Variants in ZNF468 observed in about 807,000 individuals in gnomAD.
ZNF468 encodes zinc finger protein ZNF468.
Under a neutral mutation model 7.2 loss-of-function variants are expected in ZNF468, and 8 were observed. The ratio of observed to expected loss-of-function variants is 1.11; its 90% CI spans 0.65 to 2.01. The LOEUF (loss-of-function observed/expected upper bound fraction) is 2.01. Ranked by LOEUF, ZNF468 falls within the 30% of genes most tolerant of loss-of-function variation. The pLI is 0.00. For synonymous variants in ZNF468, 218 were observed against 214.4 expected (o/e 1.02, Z -0.15); for missense variants, 608 against 626.5 (o/e 0.97, Z 0.31).
At chr19:52,853,186 A>G (rs1387842902) in intron 2 of ZNF468, among the ~76,000 whole-genome samples, 9 of 152,226 alleles carry the variant, frequency 5.9e-5, no homozygotes, top group South Asian at 4.2e-4. Flanking sequence ...ATAACGATGC[A>G]GAAATACACG....
chr19:52,841,646 T>C lies in ZNF468; in HGVS notation c.648A>G (p.Glu216=), dbSNP rs758116399. ...WEVHMREKSF[E]CIQSFKSFNC... is the part of the protein sequence containing the mutation. Reference sequence around the variant, plus strand: ...TAAAGGATTTGAAGCTCTGTATACATTCAAAAGATTTTTCTCTCATGTGTA... The same window carrying C: ...TAAAGGATTTGAAGCTCTGTATACACTCAAAAGATTTTTCTCTCATGTGTA... The change falls in exon 4 of 4, where the codon GAA becomes GAG. Residue 216 remains glutamate (E), a synonymous_variant. Transcript: ENST00000595646. The C allele has an allele frequency of 1.5e-5, 24 of 1,613,990 alleles. No individual in the cohort carries two copies. The highest frequency in any genetic ancestry group is 2.0e-5 in the Non-Finnish European group (24 of 1,180,012).
At position 52,840,454 on chromosome 19, in the gene ZNF468, T is replaced by A; in HGVS notation, c.*271A>T. On this transcript the variant is annotated 3_prime_UTR_variant, in exon 4 of 4. Coordinates refer to ENST00000595646, the MANE Select transcript of ZNF468 (RefSeq NM_001008801.2). ...AGATATGCATTATATGCAAAAACCT[T>A]GTCACAAACCTTACCTCTGTATGGT... 1.4e-6 allele frequency: 1 copy of A among 692,844 alleles called. No individual in the cohort carries two copies. Among genetic ancestry groups the A allele is most frequent in the Non-Finnish European group, 2.5e-6 (1 of 406,144 alleles). The allele number at this position is 692,844 out of a possible 1,614,324, so 42.9% of individuals were successfully genotyped here.
intron 1 of ZNF468, among the ~76,000 whole-genome samples, chr19:52,854,688 A>G (rs1212665611): frequency 6.6e-6 from 1 of 152,158 alleles, no homozygotes; most frequent in Non-Finnish European, 1.5e-5. Flanking sequence ...CAAAAGTTTG[A>G]GACTAGCCTG....
At chr19:52,849,727 C>T (rs2063369721) in intron 2 of ZNF468, 1 of 139,320 alleles carries the variant, frequency 7.2e-6, no homozygotes, top group African/African-American at 2.9e-5. Flanking sequence ...GCAACAGAAA[C>T]TCCATCTCAA....
chr19:52,849,856 T>A (rs1011984480), intron 2 of ZNF468, among the ~76,000 whole-genome samples: 3 of 151,718 alleles, frequency 2.0e-5, no homozygotes, highest in African/African-American at 7.3e-5. Context: ...TGAGCTGCAA[T>A]CCCGCCAGGG....
intron 3 of ZNF468, among the ~76,000 whole-genome samples, chr19:52,844,217 A>G (rs1346829123): frequency 1.3e-5 from 2 of 152,134 alleles, no homozygotes. Flanking sequence ...ACATTGAGAG[A>G]ATTTAGTCAT....
intron 1 of ZNF468, among the ~76,000 whole-genome samples, chr19:52,857,082 T>A (rs2063446903): frequency 1.3e-5 from 2 of 151,090 alleles, no homozygotes; most frequent in African/African-American, 4.9e-5. Context: ...AGGGGAGATC[T>A]GGGGAGCAGC....
In ZNF468 at chr19:52,838,136, G is replaced by A. The variant is rs1879629333; in HGVS notation, c.*2589C>T. ...TTGTACTAGCGAACTGTATTCAAGAGGATATTAAAAGGATTGTAGATATGC... is the reference window on the plus strand; with the variant it reads ...TTGTACTAGCGAACTGTATTCAAGAAGATATTAAAAGGATTGTAGATATGC... On this transcript the variant is annotated 3_prime_UTR_variant, in exon 4 of 4. Coordinates refer to ENST00000595646, the MANE Select transcript of ZNF468 (RefSeq NM_001008801.2). 1 of 152,086 alleles carries A rather than the reference G, an allele frequency of 6.6e-6. No homozygotes were observed. The highest frequency in any genetic ancestry group is 1.5e-5 in the Non-Finnish European group (1 of 68,026). 9.4% of individuals were successfully genotyped at this position (152,086 alleles called of 1,614,324 possible).
At position 52,849,079 on chromosome 19, in the gene ZNF468, A is replaced by T. The variant is rs748222407; in HGVS notation, c.142+8T>A. 6.2e-7 allele frequency: 1 copy of T among 1,613,604 alleles called. No homozygotes were observed. The highest frequency in any genetic ancestry group is 1.1e-5 in the South Asian group (1 of 91,032). ...AGGGCACATCCCCAGGAGGGAAGTT[A>T]TCCTCACCCAGGGAGACGAGGTTCC... On this transcript the variant is annotated splice_region_variant and intron_variant, in intron 3 of 3. Coordinates refer to ENST00000595646, the MANE Select transcript of ZNF468 (RefSeq NM_001008801.2).
intron 2 of ZNF468, among the ~76,000 whole-genome samples, chr19:52,851,177 A>G (rs375426143): frequency 1.3e-5 from 2 of 151,846 alleles, no homozygotes; most frequent in South Asian, 2.1e-4. Context: ...CTGAAAGGCT[A>G]AAACAGGAGA....
chr19:52,857,353 A>G (rs1382311525), intron 1 of ZNF468, among the ~76,000 whole-genome samples: 1 of 152,216 alleles, frequency 6.6e-6, no homozygotes, highest in Non-Finnish European at 1.5e-5. Flanking sequence ...AAACGTATAC[A>G]TTGCCCTATG....
chr19:52,850,617 G>C (rs2063379475), intron 2 of ZNF468, among the ~76,000 whole-genome samples: 1 of 150,440 alleles, frequency 6.6e-6, no homozygotes, highest in South Asian at 2.1e-4. Flanking sequence ...TAACTATTAT[G>C]GGCCGGGCGC....
intron 2 of ZNF468, 97 bp from the exon 3 acceptor site, chr19:52,849,310 T>G: frequency 6.3e-7 from 1 of 1,590,706 alleles, no homozygotes. Context: ...TGGATTTAAC[T>G]GTAGAGAATG....
At chr19:52,857,267 C>A (rs113121679) in intron 1 of ZNF468, among the ~76,000 whole-genome samples, 42,127 of 152,012 alleles carry the variant, frequency 0.28, 6,071 homozygotes, top group South Asian at 0.35. Flanking sequence ...GAATACACCT[C>A]TAGGGTGAGG....
Position 52,840,051 on chromosome 19 carries a change from A to T in ZNF468, c.*674T>A. On this transcript the variant is annotated 3_prime_UTR_variant, in exon 4 of 4. Transcript: ENST00000595646. ...CATTGCACTTGTAAGGTTTCTCTCC[A>T]GTGTGAATTCTAGTATGGGGTGCCA... is the stretch of plus-strand genomic sequence containing the variant. 7.9e-7 allele frequency: 1 copy of T among 1,259,850 alleles called. No individual in the cohort carries two copies. The highest frequency in any genetic ancestry group is 1.1e-6 in the Non-Finnish European group (1 of 944,652). The allele number at this position is 1,259,850 out of a possible 1,614,324, so 78.0% of individuals were successfully genotyped here.
At chr19:52,849,344 T>C in intron 2 of ZNF468, 131 bp from the exon 3 acceptor site, 2 of 1,534,016 alleles carry the variant, frequency 1.3e-6, no homozygotes, top group South Asian at 2.5e-5. Flanking sequence ...AAATAAGGGA[T>C]TTCTCACTAC....
intron 3 of ZNF468, chr19:52,846,522 T>C (rs1406409732): frequency 6.5e-6 from 1 of 154,806 alleles, no homozygotes; most frequent in African/African-American, 2.4e-5. Context: ...TTTTAAGTTT[T>C]GTTATTATGC....
rs61733832 is a variant in ZNF468, at chr19:52,841,960, G to T, written c.334C>A (p.Pro112Thr). Residue 112 changes from proline (P) to threonine (T), a missense_variant, in exon 4 of 4, where the codon CCC becomes ACC. Physicochemically the swap from Pro to Thr is conservative, Grantham distance 38 (BLOSUM62 -1). Transcript: ENST00000595646. Reference sequence around the variant, plus strand: ...GCCAACTCTTTGATTTCTGTCATGGGTGCTGCATGGCCATTTGTTTCATCT... The same window carrying T: ...GCCAACTCTTTGATTTCTGTCATGGTTGCTGCATGGCCATTTGTTTCATCT... Reference protein sequence around the residue: ...KEDETNGHAAPMTEIKELAGS... With the variant: ...KEDETNGHAATMTEIKELAGS... 4 of 1,613,744 alleles carry T rather than the reference G, an allele frequency of 2.5e-6. No homozygotes were observed. In the African/African-American group the frequency reaches 5.3e-5, roughly 22 times the overall value.
chr19:52,853,939 C>T, intron 2 of ZNF468: 1 of 1,390,342 alleles, frequency 7.2e-7, no homozygotes, highest in Non-Finnish European at 9.3e-7. Context: ...CCACAGTGAG[C>T]TGACAGTGCA....
Sources: allele counts gnomAD v4.1 joint callset (sites outside exome capture counted in the v4.1 genomes callset), GRCh38; gene constraint gnomAD v4.1.1; transcripts MANE v1.5; gene names NCBI Gene and HGNC (gene_info 2026-07-23, HGNC 2026-07-21).